The following COX5A variants were observed in gnomAD, a reference collection of about 807,000 sequenced individuals.
The protein encoded by COX5A is cytochrome c oxidase subunit 5A, mitochondrial.
COX5A carries 6 observed loss-of-function variants against 16.1 expected under a neutral mutation model. The ratio of observed to expected loss-of-function variants is 0.37; its 90% CI spans 0.20 to 0.73. COX5A has a LOEUF of 0.73. COX5A is among the 30% of genes least tolerant of loss of function. COX5A has a pLI of 0.50. For missense variants in COX5A, 159 were observed against 194.9 expected (o/e 0.82, Z 1.10); for synonymous variants, 73 against 73.8 (o/e 0.99, Z 0.06).
intron 1 of COX5A, among the ~76,000 whole-genome samples, chr15:74,937,194 G>A (rs918942986): frequency 6.6e-6 from 1 of 152,042 alleles, no homozygotes; most frequent in Non-Finnish European, 1.5e-5. Flanking sequence ...CCAGCAATCA[G>A]GCTTCTATTA....
chr15:74,937,873 C>T, intron 1 of COX5A, 42 bp downstream of exon 1: 1 of 1,173,942 alleles, frequency 8.5e-7, no homozygotes. Flanking sequence ...CAGGTCACCG[C>T]AAGGACACGA....
intron 3 of COX5A, among the ~76,000 whole-genome samples, chr15:74,924,188 G>GAAACA (rs908140130): frequency 2.2e-4 from 33 of 151,716 alleles, no homozygotes; most frequent in South Asian, 1.7e-3. Context: ...CTCAAAAAAC[G>GAAACA]AAACAAAACA....
intron 3 of COX5A, among the ~76,000 whole-genome samples, chr15:74,926,205 A>G (rs1595861386): frequency 6.8e-6 from 1 of 148,078 alleles, no homozygotes; most frequent in Admixed American, 6.8e-5. Flanking sequence ...ACACCCGGCT[A>G]ATTTTTTTGT....
At chr15:74,928,633 C>G (rs1055805941) in intron 2 of COX5A, among the ~76,000 whole-genome samples, 30 of 152,344 alleles carry the variant, frequency 2.0e-4, no homozygotes, top group African/African-American at 6.5e-4. Context: ...GATCCGCCCA[C>G]CCTGGCCTCC....
chr15:74,937,849 T>A (rs770610251), intron 1 of COX5A, 66 bp downstream of exon 1: 5 of 989,536 alleles, frequency 5.1e-6, no homozygotes, highest in Non-Finnish European at 6.5e-6. Flanking sequence ...CGCCCCGGAG[T>A]GGCAGCGGGG....
intron 2 of COX5A, among the ~76,000 whole-genome samples, chr15:74,928,517 T>C (rs908636631): frequency 6.6e-6 from 1 of 152,074 alleles, no homozygotes; most frequent in African/African-American, 2.4e-5. Context: ...CCCGAGTAGC[T>C]GTGACTACAG....
At chr15:74,920,550 A>G in intron 4 of COX5A, 108 bp from the exon 5 acceptor site, 1 of 632,528 alleles carries the variant, frequency 1.6e-6, no homozygotes, top group South Asian at 1.9e-5. Flanking sequence ...GTCTCTCTGT[A>G]CCCTTTACTG....
chr15:74,924,777 A>C (rs913641138), intron 3 of COX5A, among the ~76,000 whole-genome samples: 2 of 152,222 alleles, frequency 1.3e-5, no homozygotes, highest in African/African-American at 4.8e-5. Flanking sequence ...CCTTAACTGA[A>C]TTAACTACCA....
intron 4 of COX5A, among the ~76,000 whole-genome samples, chr15:74,922,282 G>A (rs561839541): frequency 6.6e-6 from 1 of 151,960 alleles, no homozygotes; most frequent in Non-Finnish European, 1.5e-5. Context: ...CTACTTAGGA[G>A]GCTGAGGTAC....
At chr15:74,934,887 G>A (rs957893566) in intron 1 of COX5A, among the ~76,000 whole-genome samples, 5 of 152,066 alleles carry the variant, frequency 3.3e-5, no homozygotes, top group Admixed American at 6.6e-5. Context: ...AAGCAGCTGT[G>A]AAAAATGAGG....
rs541310694 is a variant in COX5A, at chr15:74,930,885, C to T, written c.101-1653G>A. Among the ~76,000 whole-genome samples the T allele has an allele frequency of 1.9e-4, 28 of 150,344 alleles. 1 individual carries two copies. The East Asian group carries it at 4.5e-3, about 24-fold the overall frequency. On this transcript the variant is annotated intron_variant, in intron 1 of 4. Transcript: ENST00000322347. ...ACAAAAAATTAGCCAGGTGTGGTGG[C>T]GGGCGCCTGTGGTCCCACCTAGTTG...
intron 1 of COX5A, among the ~76,000 whole-genome samples, chr15:74,935,756 C>G (rs1444860262): frequency 1.3e-5 from 2 of 150,920 alleles, no homozygotes; most frequent in Admixed American, 1.3e-4. Context: ...CCACACCCGG[C>G]TAATTTTTGT....
At chr15:74,926,725 AC>A in intron 3 of COX5A, 40 bp downstream of exon 3, 4 of 1,580,550 alleles carry the variant, frequency 2.5e-6, no homozygotes, top group Non-Finnish European at 3.4e-6. Flanking sequence ...GCAATAGCCC[AC>A]TCATTTACAG....
chr15:74,921,746 A>G (rs976071179), intron 4 of COX5A, among the ~76,000 whole-genome samples: 2 of 152,220 alleles, frequency 1.3e-5, no homozygotes, highest in Non-Finnish European at 2.9e-5. Flanking sequence ...ACAACAAAAA[A>G]CAAACAAGAG....
rs766107845 is a variant in COX5A, at chr15:74,926,783, T to C, written c.322A>G (p.Ile108Val). The change falls in exon 3 of 5, where the codon ATC becomes GTC. Residue 108 changes from isoleucine (I) to valine (V), a missense_variant. Transcript: ENST00000322347. ...TCACTGACCTTAACAACCTCTAGGA[T>C]ACGAACTGTACTAGCAAAATCATTT... ...RLNDFASTVR[I>V]LEVVKDKAGP... 12 of 1,612,664 alleles carry C rather than the reference T, an allele frequency of 7.4e-6. No individual in the cohort carries two copies. Among genetic ancestry groups the C allele is most frequent in the South Asian group, 4.4e-5 (4 of 90,656 alleles).
At chr15:74,922,513 T>C (rs776641605) in intron 4 of COX5A, among the ~76,000 whole-genome samples, 6 of 152,130 alleles carry the variant, frequency 3.9e-5, no homozygotes, top group Admixed American at 6.6e-5. Flanking sequence ...TGTATGTATG[T>C]ATTTAATTAA....
intron 3 of COX5A, among the ~76,000 whole-genome samples, chr15:74,925,923 T>C (rs1049997487): frequency 1.3e-5 from 2 of 151,594 alleles, no homozygotes; most frequent in African/African-American, 4.8e-5. Context: ...TGGAGTGCAA[T>C]GGTGCGATCT....
chr15:74,927,651 A>C (rs1367419003), intron 2 of COX5A, among the ~76,000 whole-genome samples: 2 of 152,056 alleles, frequency 1.3e-5, no homozygotes, highest in Non-Finnish European at 2.9e-5. Flanking sequence ...ACATGCCTGT[A>C]ATTCCAGCTA....
chr15:74,920,850 T>C (rs765892261), intron 4 of COX5A, among the ~76,000 whole-genome samples: 3 of 151,932 alleles, frequency 2.0e-5, no homozygotes, highest in Admixed American at 6.6e-5. Flanking sequence ...TGGTGGCCCA[T>C]GCCTGCAGTC....
Sources: gnomAD v4.1 joint callset for allele counts (sites outside exome capture counted in the v4.1 genomes callset) on GRCh38, gnomAD v4.1.1 for gene constraint, MANE v1.5 for transcripts, NCBI Gene and HGNC (gene_info 2026-07-23, HGNC 2026-07-21) for gene names.